The following CSMD1 variants were observed in gnomAD, a reference collection of about 807,000 sequenced individuals.
CSMD1 encodes the protein CUB and sushi domain-containing protein 1.
A neutral mutation model predicts 417.5 loss-of-function variants in CSMD1; 213 were observed. That is an observed-to-expected ratio of 0.51 (90% confidence interval 0.46 to 0.57). The LOEUF is 0.57. Ranked by LOEUF, CSMD1 falls within the 20% of genes least tolerant of loss-of-function variation. The pLI is 0.00. For synonymous variants in CSMD1, 2,862 were observed against 1,736.8 expected (o/e 1.65, Z -16.11); for missense variants, 6,923 against 4,529.7 (o/e 1.53, Z -15.17).
intron 2 of CSMD1, among the ~76,000 whole-genome samples, chr8:4,615,681 C>G (rs1004774157): frequency 2.0e-5 from 3 of 152,096 alleles, no homozygotes; most frequent in African/African-American, 7.2e-5. Context: ...CTTATACCAT[C>G]TTGTGCACAT....
intron 3 of CSMD1, among the ~76,000 whole-genome samples, chr8:4,033,331 A>C (rs1445950708): frequency 6.6e-6 from 1 of 151,920 alleles, no homozygotes; most frequent in African/African-American, 2.4e-5. Context: ...AGTCCCAGCT[A>C]CTTGGGAGGC....
At chr8:3,651,457 G>C (rs990249039) in intron 7 of CSMD1, among the ~76,000 whole-genome samples, 5 of 152,046 alleles carry the variant, frequency 3.3e-5, no homozygotes, top group African/African-American at 1.2e-4. Context: ...GTCTGTGCAC[G>C]TTCTGACTTC....
intron 36 of CSMD1, among the ~76,000 whole-genome samples, chr8:3,184,640 G>T (rs769453251): frequency 1.3e-5 from 2 of 152,122 alleles, no homozygotes; most frequent in Non-Finnish European, 2.9e-5. Context: ...CTATACATGG[G>T]CATACGACGT....
intron 23 of CSMD1, among the ~76,000 whole-genome samples, chr8:3,315,940 C>T (rs80006855): frequency 0.042 from 6,326 of 152,182 alleles, 422 homozygotes; most frequent in African/African-American, 0.14. Flanking sequence ...TGATCTTGTG[C>T]AGAGCTTCCA....
At chr8:4,258,340 G>C (rs1183547676) in intron 3 of CSMD1, among the ~76,000 whole-genome samples, 1 of 72,600 alleles carries the variant, frequency 1.4e-5, no homozygotes, top group Non-Finnish European at 2.7e-5. Flanking sequence ...GAGGGAGGGA[G>C]GGGAGGGAGA....
At chr8:4,183,745 G>C (rs1229262180) in intron 3 of CSMD1, among the ~76,000 whole-genome samples, 1 of 152,182 alleles carries the variant, frequency 6.6e-6, no homozygotes, top group African/African-American at 2.4e-5. Flanking sequence ...AAAGATTAGT[G>C]AAGCAATATG....
intron 7 of CSMD1, among the ~76,000 whole-genome samples, chr8:3,661,459 T>A (rs1034590601): frequency 1.3e-5 from 2 of 152,062 alleles, no homozygotes; most frequent in Admixed American, 1.3e-4. Flanking sequence ...ATTCTAGGGG[T>A]TGCCTGACTT....
intron 26 of CSMD1, among the ~76,000 whole-genome samples, chr8:3,279,692 G>T (rs954577965): frequency 2.6e-5 from 4 of 152,136 alleles, no homozygotes; most frequent in Non-Finnish European, 5.9e-5. Flanking sequence ...GCATGGCTGG[G>T]GAGGCCTCAG....
At chr8:3,390,838 T>C (rs1337185862) in intron 17 of CSMD1, among the ~76,000 whole-genome samples, 1 of 152,178 alleles carries the variant, frequency 6.6e-6, no homozygotes, top group African/African-American at 2.4e-5. Context: ...AAGGAAGGAA[T>C]GAACATTTCC....
intron 12 of CSMD1, among the ~76,000 whole-genome samples, chr8:3,435,089 G>C (rs183405914): frequency 6.6e-6 from 1 of 152,234 alleles, no homozygotes; most frequent in Non-Finnish European, 1.5e-5. Flanking sequence ...GCAATCCATG[G>C]AAGAGAGACG....
At position 4,486,204 on chromosome 8, in the gene CSMD1, C is replaced by CAT. The variant is rs1200901429; in HGVS notation, c.303-66141_303-66140dup. Among the ~76,000 whole-genome samples the CAT allele has an allele frequency of 7.7e-4, 13 of 16,912 alleles. No individual in the cohort carries two copies. In the East Asian group the frequency reaches 0.015, roughly 19 times the overall value. The allele number at this position is 16,912 out of a possible 152,430, so 11.1% of individuals were successfully genotyped here. ...ACATATATATATATATATATACATA[C>CAT]ATATATATATATATATATATACATA... On this transcript the variant is annotated intron_variant, in intron 2 of 69. Coordinates refer to ENST00000635120, the MANE Select transcript of CSMD1 (RefSeq NM_033225.6).
At chr8:4,161,567 A>G (rs1797170951) in intron 3 of CSMD1, among the ~76,000 whole-genome samples, 1 of 152,212 alleles carries the variant, frequency 6.6e-6, no homozygotes, top group Admixed American at 6.5e-5. Flanking sequence ...ATTGTTTTGG[A>G]CAGAGTTCAT....
chr8:4,324,255 T>C (rs1799427194), intron 3 of CSMD1, among the ~76,000 whole-genome samples: 1 of 152,098 alleles, frequency 6.6e-6, no homozygotes, highest in African/African-American at 2.4e-5. Context: ...AGAATGTGAG[T>C]TCTGAGACCT....
chr8:4,720,152 C>G (rs1011355526), intron 1 of CSMD1, among the ~76,000 whole-genome samples: 6 of 137,056 alleles, frequency 4.4e-5, no homozygotes, highest in African/African-American at 1.6e-4. Context: ...CAAAGCTAGA[C>G]GTATACATAC....
intron 2 of CSMD1, among the ~76,000 whole-genome samples, chr8:4,617,768 T>C (rs540060443): frequency 1.6e-4 from 24 of 152,170 alleles, no homozygotes; most frequent in African/African-American, 4.6e-4. Flanking sequence ...TCCTCATTAT[T>C]AGAAAGTGAG....
intron 4 of CSMD1, among the ~76,000 whole-genome samples, chr8:4,029,421 C>A (rs76217681): frequency 2.0e-4 from 31 of 152,266 alleles, no homozygotes; most frequent in South Asian, 6.2e-4. Context: ...GAGGACCTAG[C>A]CACGTCTTAT....
At chr8:3,913,784 TC>T (rs1050725274) in intron 5 of CSMD1, among the ~76,000 whole-genome samples, 1 of 152,164 alleles carries the variant, frequency 6.6e-6, no homozygotes, top group Non-Finnish European at 1.5e-5. Flanking sequence ...ACAACTTGTA[TC>T]TTAATGCTGG....
chr8:4,027,172 G>A (rs931459286), intron 4 of CSMD1, among the ~76,000 whole-genome samples: 1 of 152,130 alleles, frequency 6.6e-6, no homozygotes, highest in Non-Finnish European at 1.5e-5. Context: ...ATTTAGTTAC[G>A]ACGAGGTAAG....
intron 5 of CSMD1, among the ~76,000 whole-genome samples, chr8:3,757,520 G>C (rs1797725469): frequency 6.6e-6 from 1 of 152,168 alleles, no homozygotes; most frequent in South Asian, 2.1e-4. Context: ...GCCAGATTTG[G>C]CCTGCAGGTA....
Sources: allele counts gnomAD v4.1 joint callset (sites outside exome capture counted in the v4.1 genomes callset), GRCh38; gene constraint gnomAD v4.1.1; transcripts MANE v1.5; gene names NCBI Gene and HGNC (gene_info 2026-07-23, HGNC 2026-07-21).